Variants in DPY19L3 observed in about 807,000 individuals in gnomAD.
The protein encoded by DPY19L3 is protein C-mannosyl-transferase DPY19L3.
A neutral mutation model predicts 92.3 loss-of-function variants in DPY19L3; 51 were observed. The observed-to-expected ratio is 0.55, with a 90% CI of 0.44 to 0.70. The LOEUF is 0.70. Among genes scored for constraint, DPY19L3 ranks in the 30% least tolerant of loss-of-function variants. DPY19L3 has a pLI of 0.00. For missense variants in DPY19L3, 706 were observed against 855.9 expected (o/e 0.82, Z 2.18); for synonymous variants, 309 against 315.2 (o/e 0.98, Z 0.21).
At chr19:32,477,731 G>A in intron 17 of DPY19L3, 77 bp downstream of exon 17, 1 of 1,578,658 alleles carries the variant, frequency 6.3e-7, no homozygotes, top group Non-Finnish European at 8.6e-7. Context: ...GGTAAAGATG[G>A]GGCTGAATGC....
At chr19:32,448,237 A>G (rs1010972853) in intron 8 of DPY19L3, among the ~76,000 whole-genome samples, 2 of 152,206 alleles carry the variant, frequency 1.3e-5, no homozygotes, top group African/African-American at 4.8e-5. Context: ...TGTGGGTCGT[A>G]TGGAACAATG....
intron 3 of DPY19L3, among the ~76,000 whole-genome samples, chr19:32,429,161 T>TTATA (rs1968876182): frequency 6.6e-6 from 1 of 152,240 alleles, no homozygotes; most frequent in African/African-American, 2.4e-5. Context: ...GTACAGTTCT[T>TTATA]TATAAATACA....
At chr19:32,460,732 T>C (rs187356502) in intron 12 of DPY19L3, among the ~76,000 whole-genome samples, 2 of 152,354 alleles carry the variant, frequency 1.3e-5, no homozygotes, top group East Asian at 1.9e-4. Flanking sequence ...CAAAATGTTA[T>C]GTGGCACGTG....
chr19:32,449,301 C>T (rs550547565), intron 8 of DPY19L3, among the ~76,000 whole-genome samples: 2 of 152,278 alleles, frequency 1.3e-5, no homozygotes, highest in Non-Finnish European at 2.9e-5. Flanking sequence ...AGATAATTCA[C>T]GTTCTTGGAT....
At chr19:32,480,705 A>G (rs575777442) in intron 18 of DPY19L3, 148 bp downstream of exon 18, 1 of 1,133,436 alleles carries the variant, frequency 8.8e-7, no homozygotes, top group Non-Finnish European at 1.2e-6. Context: ...CTTCCTACAG[A>G]AGCCCTCTCT....
At chr19:32,467,974 GC>G in intron 15 of DPY19L3, 3 of 985,198 alleles carry the variant, frequency 3.0e-6, no homozygotes, top group Non-Finnish European at 3.6e-6. Flanking sequence ...TTCCTGGAGA[GC>G]CCTACATTTA....
At chr19:32,477,827 A>G (rs931176613) in intron 17 of DPY19L3, among the ~76,000 whole-genome samples, 173 bp downstream of exon 17, 1 of 152,200 alleles carries the variant, frequency 6.6e-6, no homozygotes, top group African/African-American at 2.4e-5. Context: ...GGCAATTTAC[A>G]GAAGAAAGAG....
chr19:32,418,738 G>T (rs1398319580), intron 3 of DPY19L3, among the ~76,000 whole-genome samples: 2 of 152,038 alleles, frequency 1.3e-5, no homozygotes, highest in African/African-American at 4.8e-5. Flanking sequence ...AAATTGGTAG[G>T]TTAGTGTTTA....
At position 32,480,474 on chromosome 19, in the gene DPY19L3, A is replaced by G. The variant is rs759411387; in HGVS notation, c.1906A>G (p.Ile636Val). The change falls in exon 18 of 19, where the codon ATC (isoleucine) becomes GTC (valine). Residue 636 changes from isoleucine (I) to valine (V), a missense_variant. Transcript: ENST00000392250. ...LLRSFGTDYV[I>V]LEDSICYERR... The stretch of plus-strand genomic sequence containing the variant: ...AAGGTCCTTCGGCACTGACTACGTA[A>G]TCCTGGAAGACAGCATCTGCTACGA... 6 of 1,614,016 alleles carry G rather than the reference A, an allele frequency of 3.7e-6. No homozygotes were observed. The African/African-American group carries it at 4.0e-5, about 11-fold the overall frequency.
At chr19:32,441,439 A>G (rs1005788807) in intron 8 of DPY19L3, among the ~76,000 whole-genome samples, 4 of 151,906 alleles carry the variant, frequency 2.6e-5, no homozygotes, top group African/African-American at 9.7e-5. Flanking sequence ...GATGTTCTGC[A>G]TATTCTTTTT....
chr19:32,474,276 C>T (rs1172120814), intron 16 of DPY19L3, among the ~76,000 whole-genome samples: 1 of 152,168 alleles, frequency 6.6e-6, no homozygotes, highest in African/African-American at 2.4e-5. Flanking sequence ...CTAATAAGGC[C>T]AGACATTAAG....
At chr19:32,410,670 C>T (rs1968148155) in intron 2 of DPY19L3, among the ~76,000 whole-genome samples, 1 of 152,148 alleles carries the variant, frequency 6.6e-6, no homozygotes, top group Non-Finnish European at 1.5e-5. Context: ...GTAGTCCCAG[C>T]TACTCAGGAG....
chr19:32,454,387 A>T (rs1429542585), intron 9 of DPY19L3, among the ~76,000 whole-genome samples: 1 of 152,120 alleles, frequency 6.6e-6, no homozygotes, highest in Non-Finnish European at 1.5e-5. Flanking sequence ...ATGCTGGCTA[A>T]CATGGTGAAA....
rs746962643 is a variant in DPY19L3 at position 32,437,319 on chromosome 19, T to C, written c.576T>C (p.Ala192=). The C allele has an allele frequency of 1.9e-6, 3 of 1,613,892 alleles. No homozygotes were observed. Among genetic ancestry groups the C allele is most frequent in the Non-Finnish European group, 2.5e-6 (3 of 1,179,866 alleles). The change falls in exon 6 of 19, where the codon GCT becomes GCC. Residue 192 remains alanine (A), a synonymous_variant. Coordinates refer to ENST00000392250, the MANE Select transcript of DPY19L3 (RefSeq NM_001172774.2). The part of the protein sequence containing the change: ...SGTWLSGLLA[A]FWYVTNRIDT... ...CATGGCTGTCAGGACTGTTGGCAGC[T>C]TTCTGGTATGTCACAAATAGGTGAG...
intron 3 of DPY19L3, among the ~76,000 whole-genome samples, chr19:32,415,689 C>G (rs1019709902): frequency 6.6e-6 from 1 of 152,154 alleles, no homozygotes; most frequent in Non-Finnish European, 1.5e-5. Context: ...TAATCCAATT[C>G]AGTGGATTCA....
At chr19:32,479,995 C>T (rs1970625179) in intron 17 of DPY19L3, among the ~76,000 whole-genome samples, 1 of 152,214 alleles carries the variant, frequency 6.6e-6, no homozygotes, top group Admixed American at 6.5e-5. Context: ...GTGTGTCCCT[C>T]AGACTGTCCC....
At chr19:32,478,964 C>T (rs973579987) in intron 17 of DPY19L3, among the ~76,000 whole-genome samples, 6 of 80,204 alleles carry the variant, frequency 7.5e-5, no homozygotes, top group African/African-American at 2.0e-4. Flanking sequence ...GTTATCAAGT[C>T]CTCTCTCTAC....
intron 12 of DPY19L3, among the ~76,000 whole-genome samples, chr19:32,461,986 G>C (rs564373238): frequency 2.0e-4 from 30 of 152,240 alleles, no homozygotes; most frequent in South Asian, 1.2e-3. Context: ...TGAAACCTCG[G>C]ATGGTTTCAC....
chr19:32,431,292 C>T (rs932228058), intron 3 of DPY19L3, among the ~76,000 whole-genome samples: 5 of 151,886 alleles, frequency 3.3e-5, no homozygotes, highest in African/African-American at 4.8e-5. Flanking sequence ...GCAGGACAAT[C>T]GCTTGAACCT....
Sources: gnomAD v4.1 joint callset for allele counts (sites outside exome capture counted in the v4.1 genomes callset) on GRCh38, gnomAD v4.1.1 for gene constraint, MANE v1.5 for transcripts, NCBI Gene and HGNC (gene_info 2026-07-23, HGNC 2026-07-21) for gene names.